The following DCC variants were observed in gnomAD, a reference collection of about 807,000 sequenced individuals.
The protein encoded by DCC is DCC netrin 1 receptor.
Under a neutral mutation model 172.5 loss-of-function variants are expected in DCC, and 58 were observed. The ratio of observed to expected loss-of-function variants is 0.34; its 90% CI spans 0.27 to 0.42. DCC has a LOEUF of 0.42. Ranked by LOEUF, DCC falls within the 10% of genes least tolerant of loss-of-function variation. DCC has a pLI of 1.00. For missense variants in DCC, 1,740 were observed against 1,791.0 expected, an observed-to-expected ratio of 0.97 and a Z score of 0.51; for synonymous variants, 709 against 644.5, an observed-to-expected ratio of 1.10 and a Z score of -1.52.
intron 15 of DCC, among the ~76,000 whole-genome samples, chr18:53,368,363 C>G (rs940966456): frequency 6.6e-6 from 1 of 151,994 alleles, no homozygotes; most frequent in African/African-American, 2.4e-5. Context: ...AACTTACAAA[C>G]CCTTTATTCT....
intron 3 of DCC, among the ~76,000 whole-genome samples, chr18:52,909,896 C>G (rs1432219534): frequency 2.0e-5 from 3 of 152,058 alleles, no homozygotes; most frequent in African/African-American, 7.2e-5. Flanking sequence ...AAGAGCAATA[C>G]CAACAAGTAC....
chr18:52,360,647 T>A (rs1984578853), intron 1 of DCC, among the ~76,000 whole-genome samples: 2 of 152,172 alleles, frequency 1.3e-5, no homozygotes, highest in South Asian at 4.1e-4. Context: ...AATAACCCAA[T>A]TTTCTCTTAA....
chr18:52,784,436 G>A (rs2037613730), intron 2 of DCC, among the ~76,000 whole-genome samples: 1 of 152,066 alleles, frequency 6.6e-6, no homozygotes, highest in Admixed American at 6.6e-5. Flanking sequence ...ACCTAGTGGT[G>A]GGATTGCTGG....
chr18:52,883,851 TGAA>T (rs1338671437), intron 2 of DCC, among the ~76,000 whole-genome samples: 2 of 151,924 alleles, frequency 1.3e-5, no homozygotes, highest in Non-Finnish European at 2.9e-5. Flanking sequence ...TCTTTCAAGT[TGAA>T]GAAATTCCTT....
rs75297889 is a variant in DCC at position 52,452,256 on chromosome 18, G to A, written c.91+111378G>A. Among the ~76,000 whole-genome samples, 1,464 of 152,212 alleles carry A rather than the reference G, an allele frequency of 9.6e-3. 23 individuals are homozygous for A. The highest frequency in any genetic ancestry group is 0.034 in the African/African-American group (1,405 of 41,518). ...TCAGTTACCTGAAAAATATGCTTTA[G>A]GTAGAAATACATTCCATTACCATTC... On this transcript the variant is annotated intron_variant, in intron 1 of 28. Transcript: ENST00000442544.
chr18:52,766,127 G>T (rs1406123938), intron 2 of DCC, among the ~76,000 whole-genome samples: 1 of 152,164 alleles, frequency 6.6e-6, no homozygotes, highest in Non-Finnish European at 1.5e-5. Context: ...GGTGCCGGTA[G>T]GATCAAACTC....
At chr18:52,973,438 C>T (rs1338631350) in intron 5 of DCC, among the ~76,000 whole-genome samples, 1 of 152,088 alleles carries the variant, frequency 6.6e-6, no homozygotes, top group Admixed American at 6.5e-5. Flanking sequence ...GGTTACATAA[C>T]TTGCTTACCC....
chr18:52,686,194 C>T (rs1446146747), intron 1 of DCC, among the ~76,000 whole-genome samples: 2 of 152,116 alleles, frequency 1.3e-5, no homozygotes, highest in East Asian at 1.9e-4. Context: ...CTCCTCATTT[C>T]CATCCTTCTT....
intron 27 of DCC, among the ~76,000 whole-genome samples, chr18:53,501,261 A>G (rs2046094110): frequency 6.6e-6 from 1 of 152,192 alleles, no homozygotes. Context: ...TAAGGTAGCT[A>G]TTAGTCTTAA....
At chr18:53,007,097 A>T (rs1470014889) in intron 5 of DCC, among the ~76,000 whole-genome samples, 1 of 152,040 alleles carries the variant, frequency 6.6e-6, no homozygotes, top group Non-Finnish European at 1.5e-5. Context: ...AACTGTAAAA[A>T]CCCCTGGCTG....
intron 12 of DCC, 33 bp downstream of exon 12, chr18:53,215,630 C>T: frequency 6.4e-7 from 1 of 1,553,316 alleles, no homozygotes; most frequent in East Asian, 2.2e-5. Flanking sequence ...ACTCCATTAC[C>T]TATCAAGATT....
intron 1 of DCC, among the ~76,000 whole-genome samples, chr18:52,504,264 T>C (rs1401177140): frequency 6.6e-6 from 1 of 152,152 alleles, no homozygotes; most frequent in East Asian, 1.9e-4. Context: ...ACAGATGTAT[T>C]CTCTGGTTCT....
At chr18:52,477,272 G>T (rs1291813956) in intron 1 of DCC, among the ~76,000 whole-genome samples, 2 of 152,162 alleles carry the variant, frequency 1.3e-5, no homozygotes, top group East Asian at 3.9e-4. Context: ...TGATATGGTT[G>T]AGTGTGGTTC....
intron 1 of DCC, chr18:52,409,073 G>A (rs1312827377): frequency 6.6e-6 from 1 of 152,076 alleles, no homozygotes; most frequent in African/African-American, 2.4e-5. Context: ...AGAGAGAAAT[G>A]TTTTGATTCA....
At chr18:53,141,251 A>G (rs1167389331) in intron 7 of DCC, among the ~76,000 whole-genome samples, 4 of 152,184 alleles carry the variant, frequency 2.6e-5, no homozygotes, top group Admixed American at 6.5e-5. Flanking sequence ...TAGTGAAATG[A>G]TTTGAATATA....
chr18:52,721,392 A>C (rs1266383675), intron 1 of DCC, among the ~76,000 whole-genome samples: 7 of 152,072 alleles, frequency 4.6e-5, no homozygotes, highest in Non-Finnish European at 8.8e-5. Flanking sequence ...ACAAACTTTG[A>C]CTGTGCCTAA....
chr18:53,057,504 A>G (rs1381324454), intron 5 of DCC, among the ~76,000 whole-genome samples: 1 of 152,116 alleles, frequency 6.6e-6, no homozygotes, highest in African/African-American at 2.4e-5. Context: ...CTTTATGTAT[A>G]TACTAGAAGT....
At chr18:52,687,249 G>C (rs2035852801) in intron 1 of DCC, among the ~76,000 whole-genome samples, 1 of 150,946 alleles carries the variant, frequency 6.6e-6, no homozygotes, top group African/African-American at 2.4e-5. Context: ...TTTTTTAAAG[G>C]CTAGGCTAGT....
chr18:53,157,848 G>T (rs1324466952), intron 8 of DCC, among the ~76,000 whole-genome samples: 3 of 152,160 alleles, frequency 2.0e-5, no homozygotes, highest in African/African-American at 7.2e-5. Flanking sequence ...TGGCTAGCTT[G>T]TAATCCCATT....
Sources: gnomAD v4.1 joint callset for allele counts (sites outside exome capture counted in the v4.1 genomes callset) on GRCh38, gnomAD v4.1.1 for gene constraint, MANE v1.5 for transcripts, NCBI Gene and HGNC (gene_info 2026-07-23, HGNC 2026-07-21) for gene names.